Variants in ASPM observed in about 807,000 individuals in gnomAD.
The protein encoded by ASPM is assembly factor for spindle microtubules, also known as abnormal spindle-like microcephaly-associated protein.
A neutral mutation model predicts 366.4 loss-of-function variants in ASPM; 256 were observed. That is an observed-to-expected ratio of 0.70 (90% CI 0.63 to 0.77). ASPM has a LOEUF of 0.77. Ranked by LOEUF, ASPM falls within the 30% of genes least tolerant of loss-of-function variation. The pLI is 0.00. For synonymous variants in ASPM, 1,414 were observed against 1,342.9 expected, an observed-to-expected ratio of 1.05 and a Z score of -1.16; for missense variants, 4,146 against 4,090.4, an observed-to-expected ratio of 1.01 and a Z score of -0.37.
chr1:197,119,187 GGAGAAA>G (rs1297677171), intron 16 of ASPM, among the ~76,000 whole-genome samples: 1 of 152,066 alleles, frequency 6.6e-6, no homozygotes, highest in Non-Finnish European at 1.5e-5. Context: ...ATTCCTCTGG[GGAGAAA>G]GAGTAGACAA....
rs759466776 is a variant in ASPM, at chr1:197,104,089, T to G, written c.5162A>C (p.Lys1721Thr). Residue 1721 changes from lysine to threonine, a missense_variant, in exon 18 of 28, where the codon AAG becomes ACG. Transcript: ENST00000367409. Reference protein sequence around the residue: ...CYRSKKIAAQKREEYMQMRES... With the variant: ...CYRSKKIAAQTREEYMQMRES... ...CCGCATCTGCATATACTCTTCTCTC[T>G]TTTGTGCAGCTATTTTTTTGGAACG... The G allele has an allele frequency of 6.2e-7, 1 of 1,613,050 alleles. No homozygotes were observed. Among genetic ancestry groups the G allele is most frequent in the East Asian group, 2.2e-5 (1 of 44,834 alleles).
chr1:197,130,133 C>A, intron 7 of ASPM, 77 bp from the exon 8 acceptor site: 1 of 1,467,704 alleles, frequency 6.8e-7, no homozygotes, highest in East Asian at 2.3e-5. Flanking sequence ...GAATGGCAGA[C>A]CATAACCTAA....
chr1:197,094,528 T>C (rs1026257055), intron 19 of ASPM, among the ~76,000 whole-genome samples: 1 of 151,592 alleles, frequency 6.6e-6, no homozygotes, highest in Admixed American at 6.6e-5. Context: ...TGGTAAAATA[T>C]AAGATTTGAG....
At chr1:197,092,201 ATT>A in intron 21 of ASPM, 145 bp from the exon 22 acceptor site, 1 of 795,560 alleles carries the variant, frequency 1.3e-6, no homozygotes, top group Non-Finnish European at 2.0e-6. Context: ...TTATATTGTA[ATT>A]CAAAGTAATT....
chr1:197,090,974 T>G lies in ASPM; in HGVS notation c.9512A>C (p.Glu3171Ala). 6.2e-7 allele frequency: 1 copy of G among 1,612,834 alleles called. No homozygotes were observed. The highest frequency in any genetic ancestry group is 8.5e-7 in the Non-Finnish European group (1 of 1,179,132). Reference protein sequence around the residue: ...IQKYHSIKKIEHEGQECLSQR... With the variant: ...IQKYHSIKKIAHEGQECLSQR... ...GCTCAGACATTCTTGACCTTCATGCTCAATCTTTTTGATGCTATGATATTT... is the reference window on the plus strand; with the variant it reads ...GCTCAGACATTCTTGACCTTCATGCGCAATCTTTTTGATGCTATGATATTT... Residue 3171 changes from glutamate (E) to alanine (A), a missense_variant, in exon 23 of 28, where the codon GAG becomes GCG. Glu to Ala is a moderately radical substitution (Grantham distance 107). Coordinates refer to ENST00000367409, the MANE Select transcript of ASPM (RefSeq NM_018136.5).
At chr1:197,115,195 T>A (rs535288719) in intron 17 of ASPM, among the ~76,000 whole-genome samples, 9 of 152,300 alleles carry the variant, frequency 5.9e-5, no homozygotes, top group African/African-American at 2.2e-4. Flanking sequence ...GTAGATCCCA[T>A]TTCAAGAAAC....
Position 197,129,211 on chromosome 1 carries a change from G to T in ASPM, c.2736C>A (p.Leu912=). 1 of 1,612,496 alleles carries T rather than the reference G, an allele frequency of 6.2e-7. No individual in the cohort carries two copies. The highest frequency in any genetic ancestry group is 8.5e-7 in the Non-Finnish European group (1 of 1,178,842). Residue 912 remains leucine (L), a synonymous_variant, in exon 9 of 28, where the codon CTC becomes CTA. Transcript: ENST00000367409. ...CCTTGAATTCGGCATCTTTACAGAAGAGACAAGGATCATGATCAATGAGTC... is the reference window on the plus strand; with the variant it reads ...CCTTGAATTCGGCATCTTTACAGAATAGACAAGGATCATGATCAATGAGTC... The part of the protein sequence containing the change: ...ISRLIDHDPC[L]FCKDAEFKAS...
chr1:197,146,632 TAA>T lies in ASPM; in HGVS notation c.-197_-196del. 1.6e-6 allele frequency: 1 copy of T among 637,294 alleles called. No individual in the cohort carries two copies. Among genetic ancestry groups the T allele is most frequent in the Non-Finnish European group, 2.7e-6 (1 of 370,390 alleles). 39.5% of individuals were successfully genotyped at this position (637,294 alleles called of 1,614,324 possible). A position where few individuals can be genotyped will look rare whatever the true frequency, so the allele number is the denominator to read the frequency against. Reference sequence around the variant, plus strand: ...AAACAAGCCCAATAAACTCGCAAATTAAAAAGAGGAGCCAAACAAGTATGGCG... The same window carrying T: ...AAACAAGCCCAATAAACTCGCAAATTAAAGAGGAGCCAAACAAGTATGGCG... On this transcript the variant is annotated 5_prime_UTR_variant, in exon 1 of 28. Transcript: ENST00000367409.
intron 7 of ASPM, among the ~76,000 whole-genome samples, chr1:197,131,652 G>A (rs553757356): frequency 2.6e-5 from 4 of 151,110 alleles, no homozygotes; most frequent in East Asian, 2.0e-4. Context: ...TCCACCTCCC[G>A]GGTTCCCCTC....
At chr1:197,110,755 T>C (rs543872858) in intron 17 of ASPM, among the ~76,000 whole-genome samples, 1 of 152,162 alleles carries the variant, frequency 6.6e-6, no homozygotes, top group East Asian at 1.9e-4. Context: ...GAATAGCTGA[T>C]GTCTACTACA....
Position 197,135,252 on chromosome 1 carries a change from C to T in ASPM, c.2027-10G>A. The T allele has an allele frequency of 1.2e-6, 2 of 1,613,692 alleles. No individual in the cohort carries two copies. Among genetic ancestry groups the T allele is most frequent in the Non-Finnish European group, 1.7e-6 (2 of 1,179,726 alleles). ...GGGTGTCTGGGAATATCTAAGAATA[C>T]AATTAGGTTACTGCATAACAAAATT... On this transcript the variant is annotated splice_polypyrimidine_tract_variant and intron_variant, in intron 4 of 27. Transcript: ENST00000367409.
At chr1:197,125,965 C>T (rs951511091) in intron 10 of ASPM, among the ~76,000 whole-genome samples, 4 of 152,090 alleles carry the variant, frequency 2.6e-5, no homozygotes, top group African/African-American at 9.7e-5. Context: ...AATAGAGTAA[C>T]CATCCCAAAG....
intron 16 of ASPM, among the ~76,000 whole-genome samples, chr1:197,119,465 T>C (rs1004408637): frequency 6.6e-6 from 1 of 152,172 alleles, no homozygotes; most frequent in African/African-American, 2.4e-5. Context: ...GTAACTTATC[T>C]CAGTTTTTAG....
At chr1:197,144,882 A>T (rs1435847356) in intron 1 of ASPM, among the ~76,000 whole-genome samples, 1 of 152,250 alleles carries the variant, frequency 6.6e-6, no homozygotes, top group Non-Finnish European at 1.5e-5. Context: ...AACATCATAA[A>T]CAACTAATTT....
intron 1 of ASPM, 143 bp downstream of exon 1, chr1:197,145,998 T>G: frequency 9.5e-7 from 1 of 1,050,264 alleles, no homozygotes; most frequent in Non-Finnish European, 1.4e-6. Context: ...CACCCACAGT[T>G]ATTGAGTGAA....
rs1256732763 is a variant in ASPM at position 197,101,609 on chromosome 1, G to A, written c.7642C>T (p.Gln2548Ter). 6.2e-7 allele frequency: 1 copy of A among 1,610,606 alleles called. No homozygotes were observed. The highest frequency in any genetic ancestry group is 8.5e-7 in the Non-Finnish European group (1 of 1,178,910). ...QAAYKGMKAR[Q>*]LLREKHKASI... The stretch of plus-strand genomic sequence containing the variant: ...GCTTTGTGTTTTTCCCTTAAAAGTT[G>A]TCTTGCTTTCATTCCTTTATATGCA... Residue 2548 changes from glutamine to a stop codon, truncating the protein, a stop_gained, in exon 18 of 28, where the codon CAA becomes TAA. Transcript: ENST00000367409. LOFTEE classifies it high-confidence loss of function.
At position 197,146,122 on chromosome 1, in the gene ASPM, C is replaced by A; in HGVS notation, c.297+19G>T. On this transcript the variant is annotated intron_variant, in intron 1 of 27. Transcript: ENST00000367409. ...AGAAGCAGAACACCGGCCTGGAGCA[C>A]GCTCCTCCTGAGACCTACCTGCAAC... 1 of 1,613,810 alleles carries A rather than the reference C, an allele frequency of 6.2e-7. No individual in the cohort carries two copies. Among genetic ancestry groups the A allele is most frequent in the Non-Finnish European group, 8.5e-7 (1 of 1,179,874 alleles).
In ASPM at chr1:197,128,508, T is replaced by C. The variant is rs1314072497; in HGVS notation, c.2918A>G (p.Gln973Arg). 1 of 1,613,464 alleles carries C rather than the reference T, an allele frequency of 6.2e-7. No individual in the cohort carries two copies. The highest frequency in any genetic ancestry group is 8.5e-7 in the Non-Finnish European group (1 of 1,179,410). ...FAVTNLAVDLQCGVRLVRTME... is the reference protein window; with the variant it reads ...FAVTNLAVDLRCGVRLVRTME... ...TACGTACACAAGGCGCACTCCACATTGCAAGTCTACGGCAAGATTTGTAAC... is the reference window on the plus strand; with the variant it reads ...TACGTACACAAGGCGCACTCCACATCGCAAGTCTACGGCAAGATTTGTAAC... Residue 973 changes from glutamine (Q) to arginine (R), a missense_variant, in exon 10 of 28, where the codon CAA (glutamine) becomes CGA (arginine). This residue lies in a region of ASPM where 3,624 missense variants were observed against 3,591.7 expected (regional missense o/e 1.01). Coordinates refer to ENST00000367409, the MANE Select transcript of ASPM (RefSeq NM_018136.5).
chr1:197,091,418 T>C (rs1250117777), intron 22 of ASPM, among the ~76,000 whole-genome samples: 1 of 151,874 alleles, frequency 6.6e-6, no homozygotes, highest in East Asian at 1.9e-4. Context: ...AAAGAACTCC[T>C]ATAAATCATA....
Sources: gnomAD v4.1 joint callset for allele counts (sites outside exome capture counted in the v4.1 genomes callset) on GRCh38, gnomAD v4.1.1 for gene constraint, gnomAD v4.1.1 regional missense constraint, MANE v1.5 for transcripts, NCBI Gene and HGNC (gene_info 2026-07-23, HGNC 2026-07-21) for gene names.